Variants in RBFOX1 observed in about 807,000 individuals in gnomAD.
RBFOX1 encodes the protein RNA binding protein fox-1 homolog 1.
Under a neutral mutation model 57.7 loss-of-function variants are expected in RBFOX1, and 8 were observed. That is an observed-to-expected ratio of 0.14 (90% CI 0.08 to 0.25). RBFOX1 has a LOEUF of 0.25. Among genes scored for constraint, RBFOX1 ranks in the 10% least tolerant of loss-of-function variants. The probability of loss-of-function intolerance (pLI) is 1.00; values close to 1 mark genes in which losing one functional copy is unlikely to be tolerated. For missense variants in RBFOX1, 611 were observed against 548.5 expected, an observed-to-expected ratio of 1.11 and a Z score of -1.14; for synonymous variants, 326 against 222.4, an observed-to-expected ratio of 1.47 and a Z score of -4.15.
At chr16:5,265,675 C>G (rs1371083611) in intron 1 of RBFOX1, among the ~76,000 whole-genome samples, 1 of 152,112 alleles carries the variant, frequency 6.6e-6, no homozygotes, top group African/African-American at 2.4e-5. Context: ...AAGCAAAAAT[C>G]CATCTCTCTT....
intron 3 of RBFOX1, among the ~76,000 whole-genome samples, chr16:6,769,453 G>T (rs1267410874): frequency 6.6e-6 from 1 of 152,196 alleles, no homozygotes; most frequent in Non-Finnish European, 1.5e-5. Context: ...CATCTCCACT[G>T]CAACATTCTT....
intron 3 of RBFOX1, among the ~76,000 whole-genome samples, chr16:5,673,844 C>T (rs1003800192): frequency 6.6e-6 from 1 of 152,200 alleles, no homozygotes; most frequent in African/African-American, 2.4e-5. Flanking sequence ...GACTCATTAG[C>T]ATTTCCCAGC....
At chr16:5,359,865 A>G (rs1448338266) in intron 1 of RBFOX1, among the ~76,000 whole-genome samples, 4 of 152,186 alleles carry the variant, frequency 2.6e-5, no homozygotes, top group Admixed American at 6.5e-5. Flanking sequence ...TCTCACTCAT[A>G]AAATGGGGAT....
At chr16:5,360,708 G>A (rs540205367) in intron 1 of RBFOX1, among the ~76,000 whole-genome samples, 50 of 152,326 alleles carry the variant, frequency 3.3e-4, no homozygotes, top group African/African-American at 1.2e-3. Context: ...AACTGGCAGG[G>A]TTGAAGGAAA....
At chr16:6,248,699 G>C (rs1283543355) in intron 1 of RBFOX1, among the ~76,000 whole-genome samples, 5 of 152,024 alleles carry the variant, frequency 3.3e-5, no homozygotes, top group African/African-American at 4.8e-5. Context: ...TTGATATAGA[G>C]GTTAAGTATG....
At chr16:6,733,761 A>G (rs1425643463) in intron 3 of RBFOX1, among the ~76,000 whole-genome samples, 3 of 152,116 alleles carry the variant, frequency 2.0e-5, no homozygotes, top group Admixed American at 1.3e-4. Flanking sequence ...CTGCCTTAAA[A>G]AAAAATTCTG....
rs1186405449 is a variant in RBFOX1, at chr16:6,190,960, C to A, written c.-126-126035C>A. ...GGCTCCAGCCAAAACTTGAGGCCGG[C>A]AGTCTAAATCCAGATCGGGCAGCCT... On this transcript the variant is annotated intron_variant, in intron 1 of 15. Coordinates refer to ENST00000550418, the MANE Select transcript of RBFOX1 (RefSeq NM_018723.4). 2.0e-5 allele frequency among the ~76,000 whole-genome samples: 3 copies of A among 152,188 alleles called. No individual in the cohort carries two copies. In the East Asian group the frequency reaches 5.8e-4, roughly 30 times the overall value.
chr16:6,807,610 G>C (rs567081040), intron 3 of RBFOX1, among the ~76,000 whole-genome samples: 35 of 152,202 alleles, frequency 2.3e-4, no homozygotes, highest in African/African-American at 7.5e-4. Flanking sequence ...AAGGTCACGA[G>C]ATTGAGACCA....
At chr16:6,515,808 C>G (rs145931378) in intron 2 of RBFOX1, among the ~76,000 whole-genome samples, 1 of 152,028 alleles carries the variant, frequency 6.6e-6, no homozygotes, top group African/African-American at 2.4e-5. Context: ...CTCCTTCATC[C>G]GCCTGAAGTC....
chr16:5,896,669 A>G (rs915922455), intron 4 of RBFOX1, among the ~76,000 whole-genome samples: 7 of 150,846 alleles, frequency 4.6e-5, no homozygotes, highest in Admixed American at 1.3e-4. Context: ...ACTAAGACAT[A>G]TCGTCATGTC....
chr16:6,459,749 G>A (rs1370978053), intron 2 of RBFOX1, among the ~76,000 whole-genome samples: 1 of 151,846 alleles, frequency 6.6e-6, no homozygotes, highest in South Asian at 2.1e-4. Context: ...GGCTGAGGTG[G>A]GCGGATCACC....
chr16:6,795,383 A>G (rs558170861), intron 3 of RBFOX1, among the ~76,000 whole-genome samples: 4 of 152,284 alleles, frequency 2.6e-5, no homozygotes, highest in African/African-American at 9.6e-5. Context: ...AATAAGAAGA[A>G]AAAAAATCAG....
At chr16:6,663,771 C>A (rs768405993) in intron 3 of RBFOX1, among the ~76,000 whole-genome samples, 1 of 152,154 alleles carries the variant, frequency 6.6e-6, no homozygotes, top group South Asian at 2.1e-4. Context: ...TAGAGCATCC[C>A]TGAGAAAGGG....
At chr16:6,942,789 T>C (rs555860619) in intron 3 of RBFOX1, among the ~76,000 whole-genome samples, 4 of 152,272 alleles carry the variant, frequency 2.6e-5, no homozygotes, top group Admixed American at 2.0e-4. Flanking sequence ...GGTTTTTATA[T>C]ATTGTCTCCA....
rs548001999 is a variant in RBFOX1, at chr16:6,948,123, A to C, written c.-15-103934A>C. 3.3e-5 allele frequency among the ~76,000 whole-genome samples: 5 copies of C among 152,152 alleles called. No homozygotes were observed. In the East Asian group the frequency reaches 9.7e-4, roughly 30 times the overall value. On this transcript the variant is annotated intron_variant, in intron 3 of 15. Coordinates refer to ENST00000550418, the MANE Select transcript of RBFOX1 (RefSeq NM_018723.4). The stretch of plus-strand genomic sequence containing the variant: ...TCTGCGGTTTGAGAAGGAGTAGAAA[A>C]CAATACAAAATAGAAACATGCCTTT...
At chr16:5,410,972 G>A (rs974168211) in intron 1 of RBFOX1, among the ~76,000 whole-genome samples, 6 of 152,190 alleles carry the variant, frequency 3.9e-5, no homozygotes, top group African/African-American at 1.4e-4. Flanking sequence ...AAAGGTTGGC[G>A]TGAAGATTAG....
rs541749851 is a variant in RBFOX1, at chr16:7,499,567, C to G, written c.28-18580C>G. On this transcript the variant is annotated intron_variant, in intron 4 of 15. Transcript: ENST00000550418. ...AATTGAGTATAAAGATAATTTTTGGCTACATTGACTGGATTCCAAGAATCT... is the reference window on the plus strand; with the variant it reads ...AATTGAGTATAAAGATAATTTTTGGGTACATTGACTGGATTCCAAGAATCT... Among the ~76,000 whole-genome samples, 307 of 152,180 alleles carry G rather than the reference C, an allele frequency of 2.0e-3. 1 individual carries two copies. Among genetic ancestry groups the G allele is most frequent in the Middle Eastern group, 0.017 (5 of 294 alleles).
chr16:6,364,960 G>A (rs2089298945), intron 2 of RBFOX1, among the ~76,000 whole-genome samples: 1 of 152,096 alleles, frequency 6.6e-6, no homozygotes, highest in South Asian at 2.1e-4. Flanking sequence ...TCAAAACTGT[G>A]ATAAGAAATA....
At chr16:7,011,615 G>A (rs904516740) in intron 3 of RBFOX1, among the ~76,000 whole-genome samples, 16 of 152,160 alleles carry the variant, frequency 1.1e-4, no homozygotes, top group South Asian at 4.1e-4. Context: ...CCGGGTTCAC[G>A]CCATTATCCA....
Sources: gnomAD v4.1 joint callset for allele counts (sites outside exome capture counted in the v4.1 genomes callset) on GRCh38, gnomAD v4.1.1 for gene constraint, MANE v1.5 for transcripts, NCBI Gene and HGNC (gene_info 2026-07-23, HGNC 2026-07-21) for gene names.